Variants in ITIH5 observed in about 807,000 individuals in gnomAD.
ITIH5 encodes inter-alpha-trypsin inhibitor heavy chain H5.
In ITIH5, 65 loss-of-function variants were observed where a neutral mutation model predicts 77.5. The observed-to-expected ratio is 0.84, with a 90% CI of 0.69 to 1.03. ITIH5 has a LOEUF of 1.03. Among genes scored for constraint, ITIH5 ranks in the 50% least tolerant of loss-of-function variants. ITIH5 has a pLI of 0.00. For synonymous variants in ITIH5, 525 were observed against 494.3 expected, an observed-to-expected ratio of 1.06 and a Z score of -0.82; for missense variants, 1,208 against 1,213.1, an observed-to-expected ratio of 1.00 and a Z score of 0.06.
At chr10:7,607,649 A>G (rs1229015749) in intron 7 of ITIH5, among the ~76,000 whole-genome samples, 1 of 152,164 alleles carries the variant, frequency 6.6e-6, no homozygotes, top group Non-Finnish European at 1.5e-5. Flanking sequence ...CCCCATCTCT[A>G]CTAAAAATAC....
intron 1 of ITIH5, among the ~76,000 whole-genome samples, chr10:7,665,844 C>T (rs192792788): frequency 6.6e-6 from 1 of 152,114 alleles, no homozygotes; most frequent in African/African-American, 2.4e-5. Context: ...CTACTCCCCC[C>T]CTAGAAGGAA....
intron 1 of ITIH5, among the ~76,000 whole-genome samples, chr10:7,661,377 T>A (rs974988986): frequency 4.6e-5 from 7 of 152,204 alleles, no homozygotes; most frequent in African/African-American, 1.7e-4. Context: ...AAGGGCATTC[T>A]GAAATGCTGA....
At chr10:7,640,336 G>T (rs1324564473) in intron 4 of ITIH5, among the ~76,000 whole-genome samples, 1 of 151,836 alleles carries the variant, frequency 6.6e-6, no homozygotes, top group Non-Finnish European at 1.5e-5. Flanking sequence ...AATTAGCTGG[G>T]TGTGGTGGTG....
chr10:7,641,703 AGG>A (rs1474523887), intron 3 of ITIH5, among the ~76,000 whole-genome samples: 23 of 89,528 alleles, frequency 2.6e-4, no homozygotes, highest in African/African-American at 1.0e-3. Flanking sequence ...GGAGGGAGGG[AGG>A]GAGAGAGGGA....
intron 9 of ITIH5, chr10:7,578,211 G>T: frequency 6.1e-6 from 1 of 164,618 alleles, no homozygotes. Flanking sequence ...CATTACAGGA[G>T]AGGGAAGGAA....
At chr10:7,649,851 A>G (rs1470975293) in intron 2 of ITIH5, among the ~76,000 whole-genome samples, 1 of 152,170 alleles carries the variant, frequency 6.6e-6, no homozygotes, top group Non-Finnish European at 1.5e-5. Flanking sequence ...GCTCATGAAA[A>G]TGTGTCATGA....
chr10:7,641,957 G>A lies in ITIH5; in HGVS notation c.269C>T (p.Pro90Leu). 6.2e-7 allele frequency: 1 copy of A among 1,614,094 alleles called. No individual in the cohort carries two copies. The highest frequency in any genetic ancestry group is 8.5e-7 in the Non-Finnish European group (1 of 1,179,970). ...GAAGTTGGTGATGAAAGCTGCAGCT[G>A]GAATCTGCATCTGGAACTCAATGTC... ...DQDIEFQMQIPAAAFITNFTM... is the reference protein window; with the variant it reads ...DQDIEFQMQILAAAFITNFTM... Residue 90 changes from proline (P) to leucine (L), a missense_variant, in exon 3 of 14, where the codon CCA (proline) becomes CTA (leucine). Coordinates refer to ENST00000397146, the MANE Select transcript of ITIH5 (RefSeq NM_030569.7).
At chr10:7,579,721 C>G in intron 9 of ITIH5, 34 bp downstream of exon 9, 1 of 1,599,326 alleles carries the variant, frequency 6.3e-7, no homozygotes, top group Non-Finnish European at 8.5e-7. Flanking sequence ...GCCCCTCAAA[C>G]AGCCTCTCAT....
intron 5 of ITIH5, among the ~76,000 whole-genome samples, chr10:7,636,178 A>G (rs1833794681): frequency 6.6e-6 from 1 of 151,964 alleles, no homozygotes; most frequent in Non-Finnish European, 1.5e-5. Flanking sequence ...CCCCCTCCCA[A>G]AAAAAGAAAA....
intron 1 of ITIH5, among the ~76,000 whole-genome samples, chr10:7,655,991 T>C (rs1242272102): frequency 6.6e-6 from 1 of 152,170 alleles, no homozygotes; most frequent in Non-Finnish European, 1.5e-5. Flanking sequence ...AGAGTATTTG[T>C]ATTCTGTTTC....
chr10:7,563,218 C>T lies in ITIH5; in HGVS notation c.2694G>A (p.Gly898=), dbSNP rs1384867641. The T allele has an allele frequency of 6.2e-7, 1 of 1,614,116 alleles. No individual in the cohort carries two copies. The highest frequency in any genetic ancestry group is 1.3e-5 in the African/African-American group (1 of 74,928). The part of the protein sequence containing the change: ...VVWKQRKIYN[G]EEQIDCWFAR... Reference sequence around the variant, plus strand: ...CAAACCAGCAGTCTATCTGCTCTTCCCCGTTGTAAATCTTCCTTTGCTTCC... The same window carrying T: ...CAAACCAGCAGTCTATCTGCTCTTCTCCGTTGTAAATCTTCCTTTGCTTCC... Residue 898 remains glycine (G), a synonymous_variant, in exon 14 of 14, where the codon GGG becomes GGA. Coordinates refer to ENST00000397146, the MANE Select transcript of ITIH5 (RefSeq NM_030569.7).
chr10:7,614,384 C>A (rs1032624919), intron 7 of ITIH5, among the ~76,000 whole-genome samples: 1 of 152,220 alleles, frequency 6.6e-6, no homozygotes, highest in Non-Finnish European at 1.5e-5. Flanking sequence ...CTTGTCCAAC[C>A]CCTGGCCCAC....
intron 13 of ITIH5, among the ~76,000 whole-genome samples, chr10:7,565,081 T>TACAC (rs1332910600): frequency 4.0e-4 from 58 of 146,388 alleles, no homozygotes; most frequent in African/African-American, 1.3e-3. Flanking sequence ...TATATATATA[T>TACAC]ATACACACAC....
chr10:7,566,184 A>G lies in ITIH5; in HGVS notation c.2373T>C (p.Ser791=). The G allele has an allele frequency of 6.2e-7, 1 of 1,614,100 alleles. No homozygotes were observed. The highest frequency in any genetic ancestry group is 8.5e-7 in the Non-Finnish European group (1 of 1,180,014). ...VGSWGLEVSV[S]ANANVTVTIQ... ...TGGTGACGGTGACATTGGCGTTGGC[A>G]GACACGGACACCTCCAGCCCCCAGC... Residue 791 remains serine, a synonymous_variant, in exon 13 of 14, where the codon TCT becomes TCC. Coordinates refer to ENST00000397146, the MANE Select transcript of ITIH5 (RefSeq NM_030569.7).
Position 7,576,759 on chromosome 10 carries a change from C to T in ITIH5, c.1672G>A (p.Gly558Arg). The change falls in exon 10 of 14, where the codon GGA becomes AGA. Residue 558 changes from glycine to arginine, a missense_variant. Gly to Arg is a moderately radical substitution (Grantham distance 125). Coordinates refer to ENST00000397146, the MANE Select transcript of ITIH5 (RefSeq NM_030569.7). Reference protein sequence around the residue: ...RPQKAGKDVTGSPRPGGDGEG... With the variant: ...RPQKAGKDVTRSPRPGGDGEG... ...CCATCGCCTCCAGGCCTGGGGCTTCCTGTGACATCTTTCCCTGCCTTCTGA... is the reference window on the plus strand; with the variant it reads ...CCATCGCCTCCAGGCCTGGGGCTTCTTGTGACATCTTTCCCTGCCTTCTGA... 1 of 1,614,244 alleles carries T rather than the reference C, an allele frequency of 6.2e-7. No individual in the cohort carries two copies. The highest frequency in any genetic ancestry group is 2.2e-5 in the East Asian group (1 of 44,882).
intron 2 of ITIH5, among the ~76,000 whole-genome samples, chr10:7,644,934 TATCAC>T (rs1339251957): frequency 2.3e-4 from 6 of 26,492 alleles, no homozygotes; most frequent in Non-Finnish European, 3.0e-4. Flanking sequence ...CACATATATA[TATCAC>T]ATATATATAT....
At chr10:7,601,483 T>C (rs1047706726) in intron 7 of ITIH5, among the ~76,000 whole-genome samples, 4 of 152,188 alleles carry the variant, frequency 2.6e-5, no homozygotes, top group African/African-American at 9.7e-5. Flanking sequence ...GAGGCTTTGC[T>C]TTGCCAGGCT....
chr10:7,655,238 C>G (rs990407578), intron 2 of ITIH5, among the ~76,000 whole-genome samples: 2 of 152,160 alleles, frequency 1.3e-5, no homozygotes, highest in African/African-American at 4.8e-5. Context: ...CATTGAGAGC[C>G]TATCCAACTT....
intron 7 of ITIH5, among the ~76,000 whole-genome samples, chr10:7,612,938 G>C (rs1444692705): frequency 1.3e-5 from 2 of 152,114 alleles, no homozygotes; most frequent in African/African-American, 4.8e-5. Context: ...TCAACGAATG[G>C]CATTTAAGAA....
Sources: allele counts gnomAD v4.1 joint callset (sites outside exome capture counted in the v4.1 genomes callset), GRCh38; gene constraint gnomAD v4.1.1; transcripts MANE v1.5; gene names NCBI Gene and HGNC (gene_info 2026-07-23, HGNC 2026-07-21).